LETM1: variants seen among roughly 807,000 people sequenced by gnomAD.
LETM1 encodes the protein mitochondrial proton/calcium exchanger protein.
A neutral mutation model predicts 74.5 loss-of-function variants in LETM1; 50 were observed. That is an observed-to-expected ratio of 0.67 (90% CI 0.53 to 0.85). The LOEUF is 0.85. Among genes scored for constraint, LETM1 ranks in the 40% least tolerant of loss-of-function variants. The pLI is 0.00. For missense variants in LETM1, 824 were observed against 967.8 expected (o/e 0.85, Z 1.97); for synonymous variants, 446 against 407.1 (o/e 1.10, Z -1.15).
rs1489232322 is a variant in LETM1, at chr4:1,836,821, G to A, written c.595-249C>T. Among the ~76,000 whole-genome samples the A allele has an allele frequency of 6.6e-6, 1 of 152,112 alleles. No homozygotes were observed. The highest frequency in any genetic ancestry group is 1.5e-5 in the Non-Finnish European group (1 of 68,016). On this transcript the variant is annotated intron_variant, in intron 3 of 13. Coordinates refer to ENST00000302787, the MANE Select transcript of LETM1 (RefSeq NM_012318.3). This position sits in a 1 kb window ranked among gnomAD's most constrained non-coding sequence, Gnocchi z 5.8. ...TATGGTGCTGACACCAAGGGCCACT[G>A]GGTGCTCCCAGCGATCGAGTCCTCC...
At chr4:1,830,932 G>C (rs1290576459) in intron 6 of LETM1, among the ~76,000 whole-genome samples, 4 of 152,148 alleles carry the variant, frequency 2.6e-5, no homozygotes, top group Admixed American at 6.5e-5. Context: ...AATTTGCACA[G>C]AGTTTGCAAT....
rs776295567 is a variant in LETM1 at position 1,822,277 on chromosome 4, G to C, written c.1512C>G (p.Pro504=). Residue 504 remains proline, a synonymous_variant, in exon 10 of 14, where the codon CCC becomes CCG. Transcript: ENST00000302787. ...DFEPERVVAA[P]QRPGTEPQPE... ...GCTGTGGCTCGGTCCCCGGCCTTTG[G>C]GGAGCAGCTACCACACGTTCGGGCT... The C allele has an allele frequency of 6.5e-7, 1 of 1,538,682 alleles. No homozygotes were observed.
At chr4:1,824,513 C>T (rs924616698) in intron 7 of LETM1, among the ~76,000 whole-genome samples, 16 of 152,080 alleles carry the variant, frequency 1.1e-4, no homozygotes, top group Admixed American at 3.9e-4. Context: ...AAACTGAACA[C>T]GGGGCAAAAC....
chr4:1,831,823 C>T (rs987862538), intron 6 of LETM1, among the ~76,000 whole-genome samples: 34 of 152,220 alleles, frequency 2.2e-4, no homozygotes, highest in Non-Finnish European at 4.3e-4. Context: ...CAGACAATGC[C>T]TGCATTCAGG....
At chr4:1,814,699 C>T (rs759279065) in intron 13 of LETM1, 126 bp from the exon 14 acceptor site, 8 of 759,274 alleles carry the variant, frequency 1.1e-5, no homozygotes, top group Middle Eastern at 2.3e-4. Context: ...TCACTGCCTG[C>T]GGGCCCCAGG....
intron 2 of LETM1, among the ~76,000 whole-genome samples, chr4:1,847,085 C>T (rs1712905187): frequency 6.6e-6 from 1 of 152,186 alleles, no homozygotes; most frequent in Admixed American, 6.5e-5. Context: ...AATCCCAGCA[C>T]TTTGGGAGGC....
chr4:1,822,925 G>A, intron 9 of LETM1, 63 bp downstream of exon 9: 1 of 1,306,116 alleles, frequency 7.7e-7, no homozygotes, highest in East Asian at 2.9e-5. Context: ...TGGGCGTGCG[G>A]GGGTTTCTAG....
chr4:1,849,070 A>G (rs1577327961), intron 2 of LETM1, 79 bp downstream of exon 2: 1 of 924,262 alleles, frequency 1.1e-6, no homozygotes, highest in Admixed American at 1.7e-5. Context: ...CTCAAAAATC[A>G]AGAGTCACTC....
chr4:1,851,035 T>G (rs1394135603), intron 1 of LETM1, among the ~76,000 whole-genome samples: 1 of 152,172 alleles, frequency 6.6e-6, no homozygotes, highest in Non-Finnish European at 1.5e-5. Flanking sequence ...TTTTTAGGAT[T>G]TCAACATGTT....
intron 13 of LETM1, among the ~76,000 whole-genome samples, chr4:1,815,319 G>T (rs936996854): frequency 7.2e-5 from 11 of 152,110 alleles, no homozygotes; most frequent in Non-Finnish European, 1.3e-4. Flanking sequence ...GTGCCCCCAG[G>T]CTCCCTGTGC....
At chr4:1,822,924 G>C in intron 9 of LETM1, 64 bp downstream of exon 9, 1 of 1,300,328 alleles carries the variant, frequency 7.7e-7, no homozygotes, top group Non-Finnish European at 9.8e-7. Flanking sequence ...GTGGGCGTGC[G>C]GGGGTTTCTA....
chr4:1,820,335 G>C (rs1376589188), intron 10 of LETM1, among the ~76,000 whole-genome samples: 1 of 152,170 alleles, frequency 6.6e-6, no homozygotes, highest in Admixed American at 6.6e-5. Flanking sequence ...GTTCATTTTG[G>C]GGGGTGCCAT....
Position 1,855,859 on chromosome 4 carries a change from CG to C in LETM1, c.82+9del. 8.1e-7 allele frequency: 1 copy of C among 1,227,276 alleles called. No homozygotes were observed. Among genetic ancestry groups the C allele is most frequent in the South Asian group, 3.5e-5 (1 of 28,324 alleles). 76.0% of individuals were successfully genotyped at this position (1,227,276 alleles called of 1,614,324 possible). A position where few individuals can be genotyped will look rare whatever the true frequency, so the allele number is the denominator to read the frequency against. ...GGAGCCGGCCCCGCCCTGGGGTGCC[CG>C]CCGCTTACCCCGCGGGACGGTGTAC... is the stretch of plus-strand genomic sequence containing the variant. On this transcript the variant is annotated intron_variant, in intron 1 of 13. Coordinates refer to ENST00000302787, the MANE Select transcript of LETM1 (RefSeq NM_012318.3).
At chr4:1,824,034 C>T (rs893524907) in intron 7 of LETM1, among the ~76,000 whole-genome samples, 2 of 152,180 alleles carry the variant, frequency 1.3e-5, no homozygotes, top group South Asian at 4.2e-4. Context: ...CTTAAAAACA[C>T]CCCAGGGGCC....
chr4:1,827,026 G>A (rs1444784688), intron 6 of LETM1, among the ~76,000 whole-genome samples: 2 of 152,116 alleles, frequency 1.3e-5, no homozygotes, highest in Non-Finnish European at 1.5e-5. Context: ...CCTCAGCCCC[G>A]CTCACTGCAG....
chr4:1,855,141 C>T (rs1325092895), intron 1 of LETM1, among the ~76,000 whole-genome samples: 1 of 152,182 alleles, frequency 6.6e-6, no homozygotes, highest in Non-Finnish European at 1.5e-5. Context: ...AGTATGATCG[C>T]ACCACTGCAC....
intron 6 of LETM1, among the ~76,000 whole-genome samples, chr4:1,828,812 C>G (rs1309609506): frequency 7.6e-5 from 10 of 132,078 alleles, no homozygotes; most frequent in African/African-American, 2.0e-4. Flanking sequence ...GGCAGGGGGG[C>G]TGACCCCCCC....
At chr4:1,831,684 G>A (rs1712275369) in intron 6 of LETM1, among the ~76,000 whole-genome samples, 1 of 152,226 alleles carries the variant, frequency 6.6e-6, no homozygotes, top group African/African-American at 2.4e-5. Flanking sequence ...CGGCAAGGGC[G>A]GGATACAGGC....
At chr4:1,841,316 G>T in intron 3 of LETM1, 31 bp downstream of exon 3, 1 of 1,585,670 alleles carries the variant, frequency 6.3e-7, no homozygotes, top group South Asian at 1.1e-5. Context: ...GAGCAAGAAA[G>T]AAAAGAAAGG....
Sources: gnomAD v4.1 joint callset for allele counts (sites outside exome capture counted in the v4.1 genomes callset) on GRCh38, gnomAD v4.1.1 for gene constraint, Gnocchi (gnomAD v3.1) non-coding constraint, MANE v1.5 for transcripts, NCBI Gene and HGNC (gene_info 2026-07-23, HGNC 2026-07-21) for gene names.